Variants in KIF6 observed in about 807,000 individuals in gnomAD.
KIF6 encodes kinesin family member 6.
KIF6 carries 106 observed loss-of-function variants against 112.7 expected under a neutral mutation model. The observed-to-expected ratio is 0.94, with a 90% CI of 0.80 to 1.11. The LOEUF (loss-of-function observed/expected upper bound fraction) is 1.11. Among genes scored for constraint, KIF6 ranks in the 50% least tolerant of loss-of-function variants. The pLI is 0.00. For missense variants in KIF6, 929 were observed against 964.0 expected (o/e 0.96, Z 0.48); for synonymous variants, 339 against 339.9 (o/e 1.00, Z 0.03).
intron 18 of KIF6, among the ~76,000 whole-genome samples, chr6:39,357,919 T>G (rs771186636): frequency 6.6e-6 from 1 of 152,272 alleles, no homozygotes; most frequent in Admixed American, 6.5e-5. Flanking sequence ...TGCTTTCCTG[T>G]GCTTTCCAAG....
At chr6:39,524,158 G>A (rs1164033875) in intron 13 of KIF6, among the ~76,000 whole-genome samples, 1 of 151,806 alleles carries the variant, frequency 6.6e-6, no homozygotes, top group Non-Finnish European at 1.5e-5. Flanking sequence ...GTGAAAGAGA[G>A]AGAGAGAGAG....
chr6:39,460,325 G>A (rs1416889522), intron 13 of KIF6, among the ~76,000 whole-genome samples: 2 of 112,678 alleles, frequency 1.8e-5, no homozygotes, highest in African/African-American at 7.4e-5. Flanking sequence ...ATTGAACAAT[G>A]AGATCACATG....
At chr6:39,542,259 C>T (rs1026932571) in intron 12 of KIF6, among the ~76,000 whole-genome samples, 1 of 152,172 alleles carries the variant, frequency 6.6e-6, no homozygotes, top group Non-Finnish European at 1.5e-5. Context: ...TTCTTCTCAC[C>T]TTTCCCCTGT....
At position 39,540,092 on chromosome 6, in the gene KIF6, C is replaced by T; in HGVS notation, c.1556G>A (p.Gly519Asp). 1 of 1,614,106 alleles carries T rather than the reference C, an allele frequency of 6.2e-7. No homozygotes were observed. Among genetic ancestry groups the T allele is most frequent in the Non-Finnish European group, 8.5e-7 (1 of 1,180,000 alleles). Reference sequence around the variant, plus strand: ...AGCTGAGGATAGTCGCATTCTTTGACCTTCTTCTGGGTTTCCTAGGCGGAA... The same window carrying T: ...AGCTGAGGATAGTCGCATTCTTTGATCTTCTTCTGGGTTTCCTAGGCGGAA... ...PPFRLGNPEE[G>D]QRMRLSSAPS... Residue 519 changes from glycine (G) to aspartate (D), a missense_variant, in exon 13 of 23, where the codon GGT becomes GAT. Transcript: ENST00000287152.
intron 8 of KIF6, 69 bp from the exon 9 acceptor site, chr6:39,585,053 T>C: frequency 4.4e-6 from 4 of 910,568 alleles, no homozygotes; most frequent in South Asian, 4.3e-5. Context: ...ATAAAACTTA[T>C]CTTTTATTCA....
rs568433335 is a variant in KIF6, at chr6:39,485,195, T to A, written c.1646-54034A>T. On this transcript the variant is annotated intron_variant, in intron 13 of 22. Coordinates refer to ENST00000287152, the MANE Select transcript of KIF6 (RefSeq NM_145027.6). The stretch of plus-strand genomic sequence containing the variant: ...TAGTGAAGCTGGTGCAATCTACACA[T>A]AACAGATGAGATCAGCCACCTGCAG... Among the ~76,000 whole-genome samples, 121 of 152,286 alleles carry A rather than the reference T, an allele frequency of 7.9e-4. 2 individuals carry two copies. The highest frequency in any genetic ancestry group is 5.6e-3 in the South Asian group (27 of 4,830).
intron 13 of KIF6, 118 bp downstream of exon 13, chr6:39,539,885 A>G: frequency 1.3e-6 from 1 of 748,882 alleles, no homozygotes; most frequent in East Asian, 2.6e-5. Context: ...ATTGATAGTT[A>G]TAAAAAATAA....
At chr6:39,717,121 C>T (rs578065416) in intron 2 of KIF6, among the ~76,000 whole-genome samples, 1 of 152,256 alleles carries the variant, frequency 6.6e-6, no homozygotes, top group African/African-American at 2.4e-5. Context: ...AGTGATCCTG[C>T]TAAAACATAA....
At chr6:39,567,901 C>T (rs997033984) in intron 10 of KIF6, among the ~76,000 whole-genome samples, 1 of 152,198 alleles carries the variant, frequency 6.6e-6, no homozygotes, top group African/African-American at 2.4e-5. Context: ...GCCACTGAGC[C>T]TGGCCTGGGA....
chr6:39,380,871 A>T (rs1276616881), intron 16 of KIF6, among the ~76,000 whole-genome samples: 1 of 152,232 alleles, frequency 6.6e-6, no homozygotes, highest in African/African-American at 2.4e-5. Context: ...GAAGTGGTGA[A>T]TTTTGAGTAT....
At chr6:39,411,193 C>A (rs1562188353) in intron 15 of KIF6, among the ~76,000 whole-genome samples, 1 of 152,158 alleles carries the variant, frequency 6.6e-6, no homozygotes. Flanking sequence ...GTCAGCAGGG[C>A]CAGCCGGTTA....
Position 39,525,246 on chromosome 6 carries a change from T to G in KIF6, c.1645+14757A>C, listed in dbSNP as rs540515415. 2.6e-5 allele frequency among the ~76,000 whole-genome samples: 4 copies of G among 152,188 alleles called. No individual in the cohort carries two copies. The South Asian group carries it at 8.3e-4, about 32-fold the overall frequency. ...GCAACCTCTGCCTCCAGGGCTCAAG[T>G]GATCCTCCCACCTCAGCCTCCCAAG... On this transcript the variant is annotated intron_variant, in intron 13 of 22. Transcript: ENST00000287152.
At chr6:39,471,504 T>C (rs1026789897) in intron 13 of KIF6, among the ~76,000 whole-genome samples, 3 of 152,182 alleles carry the variant, frequency 2.0e-5, no homozygotes, top group African/African-American at 7.2e-5. Context: ...TTAACTGTGG[T>C]CTTTTTATAG....
At chr6:39,658,143 A>C (rs571601154) in intron 3 of KIF6, among the ~76,000 whole-genome samples, 1 of 152,330 alleles carries the variant, frequency 6.6e-6, no homozygotes, top group South Asian at 2.1e-4. Flanking sequence ...AAGTTTAGAC[A>C]CAAAAAGGTT....
intron 10 of KIF6, among the ~76,000 whole-genome samples, chr6:39,550,310 A>G (rs762232944): frequency 2.6e-5 from 4 of 152,164 alleles, no homozygotes; most frequent in African/African-American, 9.7e-5. Flanking sequence ...GAAGAGTGGG[A>G]TATTAGAAAC....
chr6:39,660,861 C>G (rs1786099457), intron 3 of KIF6, among the ~76,000 whole-genome samples: 1 of 152,146 alleles, frequency 6.6e-6, no homozygotes. Flanking sequence ...ATGGATTATT[C>G]CATAATTATA....
At chr6:39,505,565 A>G (rs1582001887) in intron 13 of KIF6, among the ~76,000 whole-genome samples, 2 of 152,324 alleles carry the variant, frequency 1.3e-5, no homozygotes, top group African/African-American at 4.8e-5. Context: ...TAAACAGACA[A>G]CCTACAGAAT....
chr6:39,711,277 T>TAAAAAAA, intron 3 of KIF6, among the ~76,000 whole-genome samples: 1 of 72,904 alleles, frequency 1.4e-5, no homozygotes, highest in Non-Finnish European at 2.7e-5. Context: ...ACCTGGAAAG[T>TAAAAAAA]AAAAAAAAAA....
Position 39,586,419 on chromosome 6 carries a change from A to G in KIF6, c.847-15T>C. On this transcript the variant is annotated splice_polypyrimidine_tract_variant and intron_variant, in intron 7 of 22. Coordinates refer to ENST00000287152, the MANE Select transcript of KIF6 (RefSeq NM_145027.6). ...GCAATGATAACCTGTGGTAAAGTAG[A>G]AAGATAATGGGATTAATTTAGCAAG... is the stretch of plus-strand genomic sequence containing the variant. 2 of 1,611,688 alleles carry G rather than the reference A, an allele frequency of 1.2e-6. No individual in the cohort carries two copies. Among genetic ancestry groups the G allele is most frequent in the Non-Finnish European group, 1.7e-6 (2 of 1,178,090 alleles).
Sources: gnomAD v4.1 joint callset for allele counts (sites outside exome capture counted in the v4.1 genomes callset) on GRCh38, gnomAD v4.1.1 for gene constraint, MANE v1.5 for transcripts, NCBI Gene and HGNC (gene_info 2026-07-23, HGNC 2026-07-21) for gene names.